RBM14: variants seen among roughly 807,000 people sequenced by gnomAD.
RBM14 encodes RNA binding motif protein 14, also known as RNA-binding protein 14.
RBM14 carries 5 observed loss-of-function variants against 52.8 expected under a neutral mutation model. The ratio of observed to expected loss-of-function variants is 0.09; its 90% CI spans 0.05 to 0.20. The LOEUF is 0.20. Among genes scored for constraint, RBM14 ranks in the 10% least tolerant of loss-of-function variants. The pLI is 1.00. For missense variants in RBM14, 780 were observed against 926.6 expected, an observed-to-expected ratio of 0.84 and a Z score of 2.05; for synonymous variants, 411 against 401.8, an observed-to-expected ratio of 1.02 and a Z score of -0.28.
At position 66,627,396 on chromosome 11, in the gene RBM14, T is replaced by C. The variant is rs1937866109; in HGVS notation, c.*728T>C. ...CAGTGTCAAAGGAGCCAATTTGACATCCAGGAAGACATGATAGCTAAAGGG... is the reference window on the plus strand; with the variant it reads ...CAGTGTCAAAGGAGCCAATTTGACACCCAGGAAGACATGATAGCTAAAGGG... On this transcript the variant is annotated 3_prime_UTR_variant, in exon 3 of 3. Coordinates refer to ENST00000310137, the MANE Select transcript of RBM14 (RefSeq NM_006328.4). The C allele has an allele frequency of 6.6e-6, 1 of 152,174 alleles. No individual in the cohort carries two copies. Among genetic ancestry groups the C allele is most frequent in the South Asian group, 2.1e-4 (1 of 4,830 alleles). The allele number at this position is 152,174 out of a possible 1,614,324, so 9.4% of individuals were successfully genotyped here. A position where few individuals can be genotyped will look rare whatever the true frequency, so the allele number is the denominator to read the frequency against.
At chr11:66,617,717 C>T (rs1215621284) in intron 1 of RBM14, among the ~76,000 whole-genome samples, 1 of 152,252 alleles carries the variant, frequency 6.6e-6, no homozygotes, top group Non-Finnish European at 1.5e-5. Context: ...CTTTTCTCCT[C>T]CCTCAAACTT....
In RBM14 at chr11:66,628,298, T is replaced by C. The variant is rs1442923579; in HGVS notation, c.*1630T>C. On this transcript the variant is annotated 3_prime_UTR_variant, in exon 3 of 3. Coordinates refer to ENST00000310137, the MANE Select transcript of RBM14 (RefSeq NM_006328.4). ...TTACTGATGCTCTTTTGGGAAAAGG[T>C]GCTTTAAAGACTCGATTTGGGAGCC... Among the ~76,000 whole-genome samples, 2 of 152,090 alleles carry C rather than the reference T, an allele frequency of 1.3e-5. No homozygotes were observed. The highest frequency in any genetic ancestry group is 3.9e-4 in the East Asian group (2 of 5,188).
At chr11:66,619,299 AG>A (rs1858987416) in intron 1 of RBM14, 1 of 152,176 alleles carries the variant, frequency 6.6e-6, no homozygotes, top group Non-Finnish European at 1.5e-5. Context: ...TTTATTTCAC[AG>A]GAAAAAAAAA....
chr11:66,626,384 T>A, intron 2 of RBM14, 77 bp from the exon 3 acceptor site: 1 of 1,384,892 alleles, frequency 7.2e-7, no homozygotes. Flanking sequence ...CCTGTCCCCA[T>A]TGGCATCTCC....
rs777548676 is a variant in RBM14 at position 66,628,472 on chromosome 11, A to G, written c.*1804A>G. The stretch of plus-strand genomic sequence containing the variant: ...TCCTCTTCCCTCTTGCCATCGTGCA[A>G]AAGCATTCGATCTTATGACCGTGAG... On this transcript the variant is annotated 3_prime_UTR_variant, in exon 3 of 3. Transcript: ENST00000310137. 6.6e-6 allele frequency among the ~76,000 whole-genome samples: 1 copy of G among 151,586 alleles called. No homozygotes were observed. The highest frequency in any genetic ancestry group is 2.4e-5 in the African/African-American group (1 of 41,372).
In RBM14 at chr11:66,625,345, C is replaced by T. The variant is rs758373902; in HGVS notation, c.1469C>T (p.Ser490Leu). 22 of 1,606,728 alleles carry T rather than the reference C, an allele frequency of 1.4e-5. No individual in the cohort carries two copies. Among genetic ancestry groups the T allele is most frequent in the Admixed American group, 1.7e-5 (1 of 57,884 alleles). ...CTTTCAGGCTCCTATGGGGCTCAGT[C>T]GGCTGCTGCGGCCACTGGCTCCTAT... ...MGLSGSYGAQ[S>L]AAAATGSYGA... The change falls in exon 2 of 3, where the codon TCG becomes TTG. Residue 490 changes from serine (S) to leucine (L), a missense_variant. This residue lies in a region of RBM14 where 675 missense variants were observed against 697.3 expected (regional missense o/e 0.97). Coordinates refer to ENST00000310137, the MANE Select transcript of RBM14 (RefSeq NM_006328.4). The surrounding 1 kb of genome is among the most constrained non-coding windows in gnomAD (Gnocchi z 4.2).
rs1380475771 is a variant in RBM14 at position 66,627,982 on chromosome 11, T to C, written c.*1314T>C. ...TGTGTCCTGCCAACCCCTGCCATTA[T>C]AGTCACCGGAGACTCCTTTACCTAT... On this transcript the variant is annotated 3_prime_UTR_variant, in exon 3 of 3. Coordinates refer to ENST00000310137, the MANE Select transcript of RBM14 (RefSeq NM_006328.4). Among the ~76,000 whole-genome samples the C allele has an allele frequency of 1.3e-5, 2 of 152,176 alleles. No individual in the cohort carries two copies. Among genetic ancestry groups the C allele is most frequent in the South Asian group, 2.1e-4 (1 of 4,824 alleles).
rs780641030 is a variant in RBM14 at position 66,624,663 on chromosome 11, A to G, written c.787A>G (p.Thr263Ala). The change falls in exon 2 of 3, where the codon ACT becomes GCT. Residue 263 changes from threonine to alanine, a missense_variant. Around this residue, in one of 4 missense-constraint regions of RBM14, gnomAD observed 675 missense variants for 697.3 expected, o/e 0.97. Transcript: ENST00000310137. This position sits in a 1 kb window ranked among gnomAD's most constrained non-coding sequence, Gnocchi z 4.7. Reference protein sequence around the residue: ...PSASLGVGYRTQPMTAQAASY... With the variant: ...PSASLGVGYRAQPMTAQAASY... The stretch of plus-strand genomic sequence containing the variant: ...TGCCTCTTTGGGTGTTGGCTATCGG[A>G]CTCAGCCCATGACAGCCCAGGCAGC... 10 of 1,613,102 alleles carry G rather than the reference A, an allele frequency of 6.2e-6. No homozygotes were observed. The East Asian group carries it at 1.8e-4, about 29-fold the overall frequency.
At chr11:66,626,319 G>A in intron 2 of RBM14, 142 bp from the exon 3 acceptor site, 1 of 831,384 alleles carries the variant, frequency 1.2e-6, no homozygotes, top group Non-Finnish European at 1.9e-6. Flanking sequence ...ATAGGGTGAT[G>A]AGCCTTCTGA....
chr11:66,616,944 C>T lies in RBM14; in HGVS notation c.224C>T (p.Pro75Leu). Residue 75 changes from proline to leucine, a missense_variant, in exon 1 of 3, where the codon CCT becomes CTT. Physicochemically the swap from Pro to Leu is moderately conservative, Grantham distance 98. Around this residue, in one of 4 missense-constraint regions of RBM14, gnomAD observed 71 missense variants for 119.2 expected, o/e 0.60. Coordinates refer to ENST00000310137, the MANE Select transcript of RBM14 (RefSeq NM_006328.4). ...ALVVEMSRPR[P>L]LNTWKIFVGN... Reference sequence around the variant, plus strand: ...GTGGTGGAGATGTCGCGCCCAAGGCCTCTTAATACTTGGAAGATTTTCGTG... The same window carrying T: ...GTGGTGGAGATGTCGCGCCCAAGGCTTCTTAATACTTGGAAGATTTTCGTG... 1.2e-6 allele frequency: 2 copies of T among 1,612,446 alleles called. No homozygotes were observed. The highest frequency in any genetic ancestry group is 2.2e-5 in the South Asian group (2 of 91,074).
At position 66,625,621 on chromosome 11, in the gene RBM14, C is replaced by T; in HGVS notation, c.1745C>T (p.Ser582Phe). 6.2e-7 allele frequency: 1 copy of T among 1,613,108 alleles called. No homozygotes were observed. Among genetic ancestry groups the T allele is most frequent in the Non-Finnish European group, 8.5e-7 (1 of 1,179,986 alleles). The change falls in exon 2 of 3, where the codon TCC (serine) becomes TTC (phenylalanine). Residue 582 changes from serine (S) to phenylalanine (F), a missense_variant. Ser to Phe is a radical substitution (Grantham distance 155). This residue lies in a region of RBM14 where 675 missense variants were observed against 697.3 expected (regional missense o/e 0.97). Transcript: ENST00000310137. This position sits in a 1 kb window ranked among gnomAD's most constrained non-coding sequence, Gnocchi z 4.2. ...TPPPYERTRL[S>F]PPRASYDDPY... ...CCGCCCTATGAGCGTACCCGCCTCT[C>T]CCCACCCCGGGCCAGCTACGACGAT...
intron 1 of RBM14, among the ~76,000 whole-genome samples, chr11:66,620,138 G>A (rs1387317783): frequency 6.6e-6 from 1 of 152,172 alleles, no homozygotes; most frequent in Admixed American, 6.5e-5. Context: ...TCTGTGCTTT[G>A]CACTTACTGT....
intron 1 of RBM14, chr11:66,617,604 A>G: frequency 1.0e-6 from 1 of 979,886 alleles, no homozygotes; most frequent in Non-Finnish European, 1.2e-6. Context: ...CTTGTCTGGC[A>G]TGGGTCTACT....
In RBM14 at chr11:66,624,711, G is replaced by C. The variant is rs1937706385; in HGVS notation, c.835G>C (p.Val279Leu). ...QAASYRAQPS[V>L]SLGAPYRGQL... ...AGCCTCTTACCGCGCTCAGCCCTCT[G>C]TCTCCCTTGGGGCACCATACAGGGG... Residue 279 changes from valine to leucine, a missense_variant, in exon 2 of 3, where the codon GTC becomes CTC. By Grantham distance (32) the Val-to-Leu change is conservative. Coordinates refer to ENST00000310137, the MANE Select transcript of RBM14 (RefSeq NM_006328.4). The surrounding 1 kb of genome is among the most constrained non-coding windows in gnomAD (Gnocchi z 4.7). 2 of 1,613,938 alleles carry C rather than the reference G, an allele frequency of 1.2e-6. No individual in the cohort carries two copies. The highest frequency in any genetic ancestry group is 2.2e-5 in the East Asian group (1 of 44,864).
chr11:66,626,216 C>T (rs1346679898), intron 2 of RBM14, among the ~76,000 whole-genome samples: 1 of 152,176 alleles, frequency 6.6e-6, no homozygotes, highest in Non-Finnish European at 1.5e-5. Flanking sequence ...GAATGTAGAC[C>T]AAAATCCACC....
chr11:66,616,664 T>A lies in RBM14; in HGVS notation c.-57T>A. The A allele has an allele frequency of 6.6e-7, 1 of 1,518,602 alleles. No individual in the cohort carries two copies. The highest frequency in any genetic ancestry group is 8.8e-7 in the Non-Finnish European group (1 of 1,131,390). The allele number at this position is 1,518,602 out of a possible 1,614,324, so 94.1% of individuals were successfully genotyped here. A position where few individuals can be genotyped will look rare whatever the true frequency, so the allele number is the denominator to read the frequency against. On this transcript the variant is annotated 5_prime_UTR_variant, in exon 1 of 3. The change creates a new upstream start codon in the 5' untranslated region. Transcript: ENST00000310137. ...GAGGACTGCCGGTCGTTCGGACGTC[T>A]TGCCTGTCGCTGGAGGAGAGGTCCG...
intron 1 of RBM14, among the ~76,000 whole-genome samples, chr11:66,619,827 A>G (rs1859021255): frequency 6.6e-6 from 1 of 152,276 alleles, no homozygotes; most frequent in Admixed American, 6.5e-5. Context: ...CAGCCTCCCA[A>G]AGTGCTGGGA....
At chr11:66,621,157 C>A (rs1859091217) in intron 1 of RBM14, among the ~76,000 whole-genome samples, 1 of 151,902 alleles carries the variant, frequency 6.6e-6, no homozygotes, top group Non-Finnish European at 1.5e-5. Flanking sequence ...AGGAGGGAGC[C>A]ACCATTCCTG....
rs1268609477 is a variant in RBM14, at chr11:66,625,555, C to G, written c.1679C>G (p.Ser560Cys). ...GGTCAGCCGTCTGCAGCCTACCTGT[C>G]CATGTCCCAGGGGGCCGTTGCCAAC... ...GAGQPSAAYL[S>C]MSQGAVANAN... Residue 560 changes from serine to cysteine, a missense_variant, in exon 2 of 3, where the codon TCC becomes TGC. This residue lies in a region of RBM14 where 675 missense variants were observed against 697.3 expected (regional missense o/e 0.97). Transcript: ENST00000310137. The surrounding 1 kb of genome is among the most constrained non-coding windows in gnomAD (Gnocchi z 4.2). 6.2e-7 allele frequency: 1 copy of G among 1,612,580 alleles called. No homozygotes were observed. Among genetic ancestry groups the G allele is most frequent in the Non-Finnish European group, 8.5e-7 (1 of 1,179,776 alleles).
Sources: gnomAD v4.1 joint callset for allele counts (sites outside exome capture counted in the v4.1 genomes callset) on GRCh38, gnomAD v4.1.1 for gene constraint, gnomAD v4.1.1 regional missense constraint, Gnocchi (gnomAD v3.1) non-coding constraint, MANE v1.5 for transcripts, NCBI Gene and HGNC (gene_info 2026-07-23, HGNC 2026-07-21) for gene names.